The following KCNJ6 variants were observed in gnomAD, a reference collection of about 807,000 sequenced individuals.
KCNJ6 encodes potassium inwardly rectifying channel subfamily J member 6.
A neutral mutation model predicts 34.2 loss-of-function variants in KCNJ6; 9 were observed. The observed-to-expected ratio is 0.26, with a 90% confidence interval of 0.16 to 0.46. The LOEUF (loss-of-function observed/expected upper bound fraction) is 0.46, where lower values mean the gene tolerates loss of function less well. Among genes scored for constraint, KCNJ6 ranks in the 20% least tolerant of loss-of-function variants. The pLI, the probability that KCNJ6 is intolerant of heterozygous loss-of-function variation, is 1.00. For missense variants in KCNJ6, 236 were observed against 531.3 expected (o/e 0.44, Z 5.46); for synonymous variants, 196 against 207.1 (o/e 0.95, Z 0.46).
At chr21:37,848,849 CTG>C (rs2055523403) in intron 1 of KCNJ6, among the ~76,000 whole-genome samples, 1 of 152,092 alleles carries the variant, frequency 6.6e-6, no homozygotes, top group South Asian at 2.1e-4. Flanking sequence ...CCAAACCCAG[CTG>C]TGTGTGTGTC....
intron 2 of KCNJ6, among the ~76,000 whole-genome samples, chr21:37,737,558 G>A (rs2054919554): frequency 6.6e-6 from 1 of 152,180 alleles, no homozygotes; most frequent in Admixed American, 6.5e-5. Context: ...GATCATAATT[G>A]ATCTGCAGTC....
At chr21:37,834,079 G>A (rs1235130607) in intron 2 of KCNJ6, among the ~76,000 whole-genome samples, 1 of 152,128 alleles carries the variant, frequency 6.6e-6, no homozygotes, top group African/African-American at 2.4e-5. Context: ...GAGCCTCTCA[G>A]CTCATGTGGT....
intron 1 of KCNJ6, among the ~76,000 whole-genome samples, chr21:37,858,896 G>T (rs944989934): frequency 2.0e-5 from 3 of 152,012 alleles, no homozygotes; most frequent in African/African-American, 7.3e-5. Context: ...GGTGAAGGAG[G>T]AAAGAAACTA....
chr21:37,840,524 T>G (rs189719282), intron 2 of KCNJ6, 134 bp downstream of exon 2: 458 of 641,716 alleles, frequency 7.1e-4, no homozygotes, highest in Middle Eastern at 4.4e-3. Flanking sequence ...ATGCAGTGTG[T>G]GTGAAACAGA....
intron 2 of KCNJ6, among the ~76,000 whole-genome samples, chr21:37,773,394 A>C (rs1024333466): frequency 2.6e-5 from 4 of 152,170 alleles, no homozygotes; most frequent in Non-Finnish European, 5.9e-5. Flanking sequence ...TTATCTCACC[A>C]GTACCAAGAT....
At chr21:37,870,445 A>G (rs2055645371) in intron 1 of KCNJ6, among the ~76,000 whole-genome samples, 1 of 152,040 alleles carries the variant, frequency 6.6e-6, no homozygotes, top group South Asian at 2.1e-4. Context: ...AAAGACCCAA[A>G]CCCATCCCAG....
intron 2 of KCNJ6, among the ~76,000 whole-genome samples, chr21:37,733,080 G>A (rs1040512247): frequency 2.6e-5 from 4 of 152,200 alleles, no homozygotes; most frequent in African/African-American, 9.7e-5. Flanking sequence ...TAGACGTCCT[G>A]TTGTTTAACT....
intron 3 of KCNJ6, among the ~76,000 whole-genome samples, chr21:37,654,890 G>A (rs2054450519): frequency 1.3e-5 from 2 of 151,522 alleles, no homozygotes; most frequent in East Asian, 1.9e-4. Flanking sequence ...TCAGCCAATC[G>A]GCATGGACAT....
At chr21:37,683,893 C>G (rs1601417955) in intron 3 of KCNJ6, among the ~76,000 whole-genome samples, 2 of 152,198 alleles carry the variant, frequency 1.3e-5, no homozygotes, top group South Asian at 4.1e-4. Context: ...ACTGCACTGG[C>G]TGAGTGGGCA....
chr21:37,838,830 G>T (rs902744673), intron 2 of KCNJ6, among the ~76,000 whole-genome samples: 7 of 152,156 alleles, frequency 4.6e-5, no homozygotes, highest in Middle Eastern at 3.2e-3. Flanking sequence ...TTGGAGGTGG[G>T]GCCTGGTGAG....
intron 3 of KCNJ6, among the ~76,000 whole-genome samples, chr21:37,663,059 A>C (rs555357467): frequency 6.6e-6 from 1 of 152,274 alleles, no homozygotes; most frequent in Non-Finnish European, 1.5e-5. Context: ...AAGCAAAAAA[A>C]ATTTAATATA....
At chr21:37,641,903 A>G (rs761842777) in intron 3 of KCNJ6, among the ~76,000 whole-genome samples, 10 of 152,228 alleles carry the variant, frequency 6.6e-5, no homozygotes, top group Admixed American at 1.3e-4. Flanking sequence ...AGACATATTT[A>G]GGAGGTCAAG....
At chr21:37,868,150 G>A (rs936873923) in intron 1 of KCNJ6, among the ~76,000 whole-genome samples, 2 of 152,182 alleles carry the variant, frequency 1.3e-5, no homozygotes, top group Non-Finnish European at 2.9e-5. Flanking sequence ...GGGGACAGTG[G>A]GGATGGCTAT....
intron 2 of KCNJ6, among the ~76,000 whole-genome samples, chr21:37,747,547 C>T (rs1390168652): frequency 6.6e-6 from 1 of 152,232 alleles, no homozygotes; most frequent in East Asian, 1.9e-4. Context: ...GGTTGCTAAT[C>T]AGCTGACCTT....
chr21:37,690,198 T>A (rs2054633423), intron 3 of KCNJ6, among the ~76,000 whole-genome samples: 1 of 152,198 alleles, frequency 6.6e-6, no homozygotes, highest in Non-Finnish European at 1.5e-5. Flanking sequence ...CATTATGAAC[T>A]ACTCAATGTT....
intron 2 of KCNJ6, among the ~76,000 whole-genome samples, chr21:37,795,450 T>C (rs1324611393): frequency 6.6e-6 from 1 of 152,112 alleles, no homozygotes; most frequent in Admixed American, 6.6e-5. Context: ...GAAAGTAAGA[T>C]TGCCACATAG....
chr21:37,858,254 G>T (rs561633731), intron 1 of KCNJ6, among the ~76,000 whole-genome samples: 3 of 151,612 alleles, frequency 2.0e-5, no homozygotes, highest in African/African-American at 7.3e-5. Flanking sequence ...TTAGCCAGGC[G>T]TAGTGGCGGG....
chr21:37,700,955 C>T (rs939255864), intron 3 of KCNJ6, among the ~76,000 whole-genome samples: 1 of 152,112 alleles, frequency 6.6e-6, no homozygotes, highest in African/African-American at 2.4e-5. Flanking sequence ...AGATGACGGC[C>T]AGGTCATTTC....
chr21:37,810,147 A>C (rs1329613688), intron 2 of KCNJ6, among the ~76,000 whole-genome samples: 1 of 152,148 alleles, frequency 6.6e-6, no homozygotes, highest in Non-Finnish European at 1.5e-5. Context: ...ACACACAAAC[A>C]CACAAAATTT....
Sources: gnomAD v4.1 joint callset for allele counts (sites outside exome capture counted in the v4.1 genomes callset) on GRCh38, gnomAD v4.1.1 for gene constraint, MANE v1.5 for transcripts, NCBI Gene and HGNC (gene_info 2026-07-23, HGNC 2026-07-21) for gene names.